FBN3: variants seen among roughly 807,000 people sequenced by gnomAD.
FBN3 encodes the protein fibrillin 3.
FBN3 carries 234 observed loss-of-function variants against 330.1 expected under a neutral mutation model. That is an observed-to-expected ratio of 0.71 (90% confidence interval 0.64 to 0.79). FBN3 has a LOEUF of 0.79. FBN3 is among the 30% of genes least tolerant of loss of function. FBN3 has a pLI of 0.00. For synonymous variants in FBN3, 1,458 were observed against 1,517.3 expected, an observed-to-expected ratio of 0.96 and a Z score of 0.91; for missense variants, 3,606 against 3,886.9, an observed-to-expected ratio of 0.93 and a Z score of 1.92.
chr19:8,121,030 C>A lies in FBN3; in HGVS notation c.3211+228G>T, dbSNP rs1334688602. Among the ~76,000 whole-genome samples, 2 of 152,080 alleles carry A rather than the reference C, an allele frequency of 1.3e-5. No homozygotes were observed. The highest frequency in any genetic ancestry group is 2.9e-5 in the Non-Finnish European group (2 of 68,012). ...CAAGCTACACACCCTCCCTGGGAGA[C>A]CACACCCCAGTGTGCCGGCCACCCC... On this transcript the variant is annotated intron_variant, in intron 25 of 63. Coordinates refer to ENST00000600128, the MANE Select transcript of FBN3 (RefSeq NM_032447.5). The surrounding 1 kb of genome is among the most constrained non-coding windows in gnomAD (Gnocchi z 4.5).
At position 8,096,462 on chromosome 19, in the gene FBN3, C is replaced by G. The variant is rs1403698177; in HGVS notation, c.5521G>C (p.Asp1841His). The change falls in exon 44 of 64, where the codon GAC becomes CAC. Residue 1841 changes from aspartate (D) to histidine (H), a missense_variant. Coordinates refer to ENST00000600128, the MANE Select transcript of FBN3 (RefSeq NM_032447.5). This position sits in a 1 kb window ranked among gnomAD's most constrained non-coding sequence, Gnocchi z 4.6. ...LCHRGFQASA[D>H]QTLCMDIDEC... Reference sequence around the variant, plus strand: ...GTCTCACCCATGCACAGGGTCTGGTCTGCAGAGGCCTGGAATCCACGGTGA... The same window carrying G: ...GTCTCACCCATGCACAGGGTCTGGTGTGCAGAGGCCTGGAATCCACGGTGA... 1.2e-6 allele frequency: 2 copies of G among 1,613,754 alleles called. No individual in the cohort carries two copies. The highest frequency in any genetic ancestry group is 2.7e-5 in the African/African-American group (2 of 74,904).
At chr19:8,128,908 AAT>A in intron 18 of FBN3, 118 bp downstream of exon 18, 3 of 1,219,760 alleles carry the variant, frequency 2.5e-6, no homozygotes, top group African/African-American at 1.5e-5. Context: ...TGCGTGTGTG[AAT>A]AGAGGTAACA....
Position 8,096,659 on chromosome 19 carries a change from C to G in FBN3, c.5414-90G>C. 1 of 1,497,562 alleles carries G rather than the reference C, an allele frequency of 6.7e-7. No homozygotes were observed. The highest frequency in any genetic ancestry group is 8.9e-7 in the Non-Finnish European group (1 of 1,118,966). 92.8% of individuals were successfully genotyped at this position (1,497,562 alleles called of 1,614,324 possible). ...ACTGCAATGGGGAAGCCAGAATCTGCCTTGAAGTTCCCCACTCAAACTTCC... is the reference window on the plus strand; with the variant it reads ...ACTGCAATGGGGAAGCCAGAATCTGGCTTGAAGTTCCCCACTCAAACTTCC... On this transcript the variant is annotated intron_variant, in intron 43 of 63. Coordinates refer to ENST00000600128, the MANE Select transcript of FBN3 (RefSeq NM_032447.5). The surrounding 1 kb of genome is among the most constrained non-coding windows in gnomAD (Gnocchi z 4.6).
chr19:8,136,384 T>A lies in FBN3; in HGVS notation c.1345+4A>T. The A allele has an allele frequency of 1.2e-6, 2 of 1,612,528 alleles. No individual in the cohort carries two copies. Among genetic ancestry groups the A allele is most frequent in the Non-Finnish European group, 1.7e-6 (2 of 1,178,830 alleles). On this transcript the variant is annotated splice_donor_region_variant and intron_variant, in intron 11 of 63. Coordinates refer to ENST00000600128, the MANE Select transcript of FBN3 (RefSeq NM_032447.5). ...GCCCCCCCTTCCACCTGGCCGCGGC[T>A]CACCAATGCACTCGCCGCGCACGTC...
chr19:8,088,246 G>A, intron 51 of FBN3, 67 bp from the exon 52 acceptor site: 1 of 1,521,356 alleles, frequency 6.6e-7, no homozygotes, highest in South Asian at 1.3e-5. Context: ...CATCCCATCT[G>A]CCTGCCTGTT....
chr19:8,090,505 A>G (rs1362535987), intron 48 of FBN3, among the ~76,000 whole-genome samples: 3 of 136,240 alleles, frequency 2.2e-5, no homozygotes, highest in East Asian at 2.1e-4. Context: ...TTTTTTTCAG[A>G]TGGAGTCTTC....
In FBN3 at chr19:8,131,328, TA is replaced by T; in HGVS notation, c.1991-41del. Reference sequence around the variant, plus strand: ...ACAGAGTGAGACGGGTCAGGGAGCTTAGCCATGGCTCGGATTCAGCCACAGG... The same window carrying T: ...ACAGAGTGAGACGGGTCAGGGAGCTTGCCATGGCTCGGATTCAGCCACAGG... On this transcript the variant is annotated intron_variant, in intron 15 of 63. Transcript: ENST00000600128. This position sits in a 1 kb window ranked among gnomAD's most constrained non-coding sequence, Gnocchi z 4.5. 6.2e-7 allele frequency: 1 copy of T among 1,603,748 alleles called. No individual in the cohort carries two copies. The highest frequency in any genetic ancestry group is 8.5e-7 in the Non-Finnish European group (1 of 1,174,368).
chr19:8,103,374 C>T (rs1463382381), intron 39 of FBN3, among the ~76,000 whole-genome samples, 188 bp downstream of exon 39: 1 of 151,726 alleles, frequency 6.6e-6, no homozygotes, highest in Admixed American at 6.6e-5. Context: ...TTGAGCAGTG[C>T]ACAACCTGAG....
rs766295790 is a variant in FBN3 at position 8,085,539 on chromosome 19, A to C, written c.6911T>G (p.Val2304Gly). The C allele has an allele frequency of 1.1e-5, 17 of 1,585,600 alleles. No individual in the cohort carries two copies. The highest frequency in any genetic ancestry group is 1.7e-4 in the Middle Eastern group (1 of 5,902). Residue 2304 changes from valine to glycine, a missense_variant, in exon 56 of 64, where the codon GTG (valine) becomes GGG (glycine). Coordinates refer to ENST00000600128, the MANE Select transcript of FBN3 (RefSeq NM_032447.5). ...CAGAGACCGGCACATGGTCTGCAGC[A>C]CCTCGGCAAAGCAGGGCCCCTGCCG... ...DIRQGPCFAE[V>G]LQTMCRSLSS...
rs1297700672 is a variant in FBN3, at chr19:8,088,050, A to G, written c.6496+10T>C. 1.2e-6 allele frequency: 2 copies of G among 1,614,118 alleles called. No individual in the cohort carries two copies. Among genetic ancestry groups the G allele is most frequent in the Admixed American group, 1.7e-5 (1 of 60,024 alleles). On this transcript the variant is annotated intron_variant, in intron 52 of 63. Transcript: ENST00000600128. ...CACACGGCCCAGGTCCTGGGCAAGC[A>G]GAGTTGTACCCTCGCAGGTCATCAT...
intron 47 of FBN3, 123 bp from the exon 48 acceptor site, chr19:8,091,713 G>A (rs112649281): frequency 5.4e-6 from 6 of 1,103,356 alleles, no homozygotes; most frequent in African/African-American, 4.7e-5. Flanking sequence ...AGTGGGGCTG[G>A]GGTCCTGAGA....
At position 8,112,061 on chromosome 19, in the gene FBN3, T is replaced by C. The variant is rs4804063; in HGVS notation, c.3877A>G (p.Ser1293Gly). ...ECEVGGHNCDSHASCLNIPGS... is the reference protein window; with the variant it reads ...ECEVGGHNCDGHASCLNIPGS... ...GGGATGTTGAGACAGGAGGCGTGACTGTCACAGTTGTGTCCTCCAACCTCG... is the reference window on the plus strand; with the variant it reads ...GGGATGTTGAGACAGGAGGCGTGACCGTCACAGTTGTGTCCTCCAACCTCG... Residue 1293 changes from serine to glycine, a missense_variant, in exon 31 of 64, where the codon AGT becomes GGT. Ser to Gly is a moderately conservative substitution (Grantham distance 56, BLOSUM62 0). Transcript: ENST00000600128. 0.21 allele frequency: 338,104 copies of C among 1,611,874 alleles called. 38,890 individuals are homozygous for C. The highest frequency in any genetic ancestry group is 0.36 in the South Asian group (33,069 of 90,956).
intron 37 of FBN3, among the ~76,000 whole-genome samples, chr19:8,106,555 AAGGATGGATGGG>A (rs2082441615): frequency 1.3e-5 from 2 of 152,188 alleles, no homozygotes; most frequent in South Asian, 4.1e-4. Context: ...TCCCTATAGA[AAGGATGGATGGG>A]AGGATGGATG....
intron 14 of FBN3, 88 bp downstream of exon 14, chr19:8,132,896 C>G: frequency 7.1e-7 from 1 of 1,416,638 alleles, no homozygotes; most frequent in Non-Finnish European, 9.4e-7. Context: ...CGTCCCATCC[C>G]CGTCCGGTCC....
At chr19:8,078,775 T>C (rs567705346) in intron 59 of FBN3, among the ~76,000 whole-genome samples, 95 of 110,270 alleles carry the variant, frequency 8.6e-4, no homozygotes, top group Middle Eastern at 3.9e-3. Context: ...TTTGTTCAAA[T>C]GTTCTCTCTC....
Position 8,131,532 on chromosome 19 carries a change from G to A in FBN3, c.1990+22C>T. ...GCATTCAGACCAAGGAGGCGATGGGGACCGGGCAGCCGGATGCTCACCGGA... is the reference window on the plus strand; with the variant it reads ...GCATTCAGACCAAGGAGGCGATGGGAACCGGGCAGCCGGATGCTCACCGGA... On this transcript the variant is annotated intron_variant, in intron 15 of 63. Transcript: ENST00000600128. This position sits in a 1 kb window ranked among gnomAD's most constrained non-coding sequence, Gnocchi z 4.5. 1.9e-6 allele frequency: 3 copies of A among 1,587,872 alleles called. No individual in the cohort carries two copies. Among genetic ancestry groups the A allele is most frequent in the Non-Finnish European group, 2.6e-6 (3 of 1,164,496 alleles).
chr19:8,107,017 G>T (rs180964365), intron 37 of FBN3, among the ~76,000 whole-genome samples: 14 of 150,716 alleles, frequency 9.3e-5, no homozygotes, highest in African/African-American at 3.4e-4. Flanking sequence ...TGAAGGATGG[G>T]GGGTGGATGG....
At chr19:8,119,156 G>A in intron 25 of FBN3, 134 bp from the exon 26 acceptor site, 2 of 1,100,212 alleles carry the variant, frequency 1.8e-6, no homozygotes, top group Non-Finnish European at 2.5e-6. Context: ...AGAGCCTGGA[G>A]GCTCCGGGTT....
In FBN3 at chr19:8,106,088, C is replaced by T. The variant is rs1413979493; in HGVS notation, c.4813+20G>A. On this transcript the variant is annotated intron_variant, in intron 38 of 63. Transcript: ENST00000600128. ...GAGAGCGGAAGAGCCTGACCCACCC[C>T]AAAGAGAATCCATGCTCACCCTCAC... The T allele has an allele frequency of 2.4e-5, 38 of 1,613,846 alleles. No homozygotes were observed. The highest frequency in any genetic ancestry group is 3.2e-5 in the Non-Finnish European group (38 of 1,179,852).
Sources: gnomAD v4.1 joint callset for allele counts (sites outside exome capture counted in the v4.1 genomes callset) on GRCh38, gnomAD v4.1.1 for gene constraint, Gnocchi (gnomAD v3.1) non-coding constraint, MANE v1.5 for transcripts, NCBI Gene and HGNC (gene_info 2026-07-23, HGNC 2026-07-21) for gene names.